The following CEP128 variants were observed in gnomAD, a reference collection of about 807,000 sequenced individuals.
The protein encoded by CEP128 is centrosomal protein 128kDa.
A neutral mutation model predicts 156.7 loss-of-function variants in CEP128; 132 were observed. The ratio of observed to expected loss-of-function variants is 0.84; its 90% CI spans 0.73 to 0.97. CEP128 has a LOEUF of 0.97. CEP128 is among the 50% of genes least tolerant of loss of function. The pLI is 0.00. For missense variants in CEP128, 1,252 were observed against 1,281.9 expected (o/e 0.98, Z 0.36); for synonymous variants, 469 against 448.9 (o/e 1.04, Z -0.57).
intron 19 of CEP128, among the ~76,000 whole-genome samples, chr14:80,707,450 A>G (rs2139392669): frequency 6.6e-6 from 1 of 152,278 alleles, no homozygotes; most frequent in Non-Finnish European, 1.5e-5. Context: ...TACCACGTAA[A>G]TATTTATACC....
intron 18 of CEP128, among the ~76,000 whole-genome samples, chr14:80,753,206 A>G (rs1465282420): frequency 1.3e-5 from 2 of 152,218 alleles, no homozygotes; most frequent in Non-Finnish European, 2.9e-5. Context: ...AGGCATTGTG[A>G]TAAGTGCTAA....
chr14:80,944,386 G>A (rs936968817), upstream of CEP128, among the ~76,000 whole-genome samples: 2 of 152,122 alleles, frequency 1.3e-5, no homozygotes, highest in Non-Finnish European at 2.9e-5. Context: ...TGAGTTCTCA[G>A]GAGATCTGAT....
intron 13 of CEP128, among the ~76,000 whole-genome samples, chr14:80,800,003 T>C (rs1883746320): frequency 6.6e-6 from 1 of 152,174 alleles, no homozygotes; most frequent in South Asian, 2.1e-4. Flanking sequence ...TTAGTAGTTC[T>C]GCTTTTTGCC....
intron 19 of CEP128, among the ~76,000 whole-genome samples, chr14:80,739,166 T>C (rs1898681214): frequency 6.6e-6 from 1 of 152,224 alleles, no homozygotes; most frequent in Non-Finnish European, 1.5e-5. Context: ...GGAGCTAATG[T>C]ATCTTTCCTC....
chr14:80,559,212 C>G (rs981151845), intron 21 of CEP128, 67 bp downstream of exon 21: 4 of 1,326,514 alleles, frequency 3.0e-6, no homozygotes, highest in Non-Finnish European at 4.3e-6. Flanking sequence ...CTTTGGTGTG[C>G]TGTGAAATCC....
chr14:80,530,746 G>T, intron 22 of CEP128, 63 bp downstream of exon 22: 1 of 1,187,634 alleles, frequency 8.4e-7, no homozygotes, highest in Non-Finnish European at 1.2e-6. Context: ...TTGCACATCA[G>T]GAAGATGTCA....
intron 20 of CEP128, among the ~76,000 whole-genome samples, chr14:80,569,554 T>A (rs1276819896): frequency 6.6e-6 from 1 of 152,206 alleles, no homozygotes; most frequent in African/African-American, 2.4e-5. Flanking sequence ...AAAGTCTGAT[T>A]ACTCAAAATT....
chr14:80,786,613 A>C (rs986778574), intron 14 of CEP128, among the ~76,000 whole-genome samples: 2 of 152,216 alleles, frequency 1.3e-5, no homozygotes, highest in African/African-American at 4.8e-5. Flanking sequence ...ACCAGAAAGA[A>C]GTGAATTTGA....
chr14:80,872,170 C>CA (rs1888060716), intron 8 of CEP128, among the ~76,000 whole-genome samples: 1 of 152,046 alleles, frequency 6.6e-6, no homozygotes, highest in Non-Finnish European at 1.5e-5. Flanking sequence ...CAAAAATAAT[C>CA]AAATAACATG....
At chr14:80,621,384 T>C (rs1893472855) in intron 19 of CEP128, among the ~76,000 whole-genome samples, 1 of 152,178 alleles carries the variant, frequency 6.6e-6, no homozygotes, top group Non-Finnish European at 1.5e-5. Context: ...ATTTGGTTTG[T>C]CTAAGATTCT....
chr14:80,578,204 T>A (rs1891437991), intron 20 of CEP128, among the ~76,000 whole-genome samples: 2 of 152,158 alleles, frequency 1.3e-5, no homozygotes, highest in South Asian at 4.1e-4. Flanking sequence ...TAAGAAGACA[T>A]CTAGTACACA....
At chr14:80,796,202 TA>T in intron 13 of CEP128, among the ~76,000 whole-genome samples, 1 of 152,144 alleles carries the variant, frequency 6.6e-6, no homozygotes, top group East Asian at 1.9e-4. Context: ...AATAACTCTT[TA>T]AAAATCTTAC....
intron 14 of CEP128, 139 bp from the exon 15 acceptor site, chr14:80,785,684 A>AT (rs1324184001): frequency 3.1e-6 from 2 of 649,726 alleles, no homozygotes; most frequent in Non-Finnish European, 5.0e-6. Context: ...TATTTTTCCC[A>AT]TTTTTTAATA....
chr14:80,843,706 A>G (rs1306586668), intron 9 of CEP128, among the ~76,000 whole-genome samples: 1 of 152,098 alleles, frequency 6.6e-6, no homozygotes, highest in African/African-American at 2.4e-5. Context: ...CTATAAATTG[A>G]AGTTACAAGT....
intron 8 of CEP128, among the ~76,000 whole-genome samples, chr14:80,865,425 C>T (rs1887721707): frequency 6.6e-6 from 1 of 152,160 alleles, no homozygotes; most frequent in Non-Finnish European, 1.5e-5. Flanking sequence ...CTTCAAGACA[C>T]TGATTTCCTT....
chr14:80,786,949 A>G (rs1901441199), intron 14 of CEP128, among the ~76,000 whole-genome samples: 1 of 152,204 alleles, frequency 6.6e-6, no homozygotes, highest in African/African-American at 2.4e-5. Context: ...CTCTACTGTG[A>G]AAAGACGGGA....
rs1307803655 is a variant in CEP128 at position 80,784,818 on chromosome 14, A to T, written c.2211+77T>A. On this transcript the variant is annotated intron_variant, in intron 15 of 24. Coordinates refer to ENST00000555265, the MANE Select transcript of CEP128 (RefSeq NM_152446.5). Reference sequence around the variant, plus strand: ...GCTTGGGAATACAGAATGATCTCTAAAAGTTTACGCTTTATTAACTTCATG... The same window carrying T: ...GCTTGGGAATACAGAATGATCTCTATAAGTTTACGCTTTATTAACTTCATG... The T allele has an allele frequency of 6.5e-6, 8 of 1,230,528 alleles. No homozygotes were observed. The East Asian group carries it at 1.9e-4, about 29-fold the overall frequency. The allele number at this position is 1,230,528 out of a possible 1,614,324, so 76.2% of individuals were successfully genotyped here. A position where few individuals can be genotyped will look rare whatever the true frequency, so the allele number is the denominator to read the frequency against.
intron 21 of CEP128, among the ~76,000 whole-genome samples, chr14:80,543,680 G>A (rs1391283256): frequency 6.6e-6 from 1 of 152,164 alleles, no homozygotes; most frequent in Non-Finnish European, 1.5e-5. Flanking sequence ...TTGCTTTCTT[G>A]AAACTCCAAT....
chr14:80,711,439 G>A (rs1595264353), intron 19 of CEP128, among the ~76,000 whole-genome samples: 1 of 152,034 alleles, frequency 6.6e-6, no homozygotes, highest in East Asian at 1.9e-4. Context: ...ATAAGAAAGA[G>A]GCTAGCTTAT....
Sources: gnomAD v4.1 joint callset for allele counts (sites outside exome capture counted in the v4.1 genomes callset) on GRCh38, gnomAD v4.1.1 for gene constraint, MANE v1.5 for transcripts, NCBI Gene and HGNC (gene_info 2026-07-23, HGNC 2026-07-21) for gene names.